CAMTA1: variants seen among roughly 807,000 people sequenced by gnomAD.
The protein encoded by CAMTA1 is calmodulin binding transcription activator 1, also known as calmodulin-binding transcription activator 1.
In CAMTA1, 27 loss-of-function variants were observed where a neutral mutation model predicts 170.9. The observed-to-expected ratio is 0.16, with a 90% confidence interval of 0.12 to 0.22. The LOEUF is 0.22. Among genes scored for constraint, CAMTA1 ranks in the 10% least tolerant of loss-of-function variants. CAMTA1 has a pLI of 1.00. For missense variants in CAMTA1, 1,619 were observed against 2,217.2 expected (o/e 0.73, Z 5.42); for synonymous variants, 833 against 891.5 (o/e 0.93, Z 1.17).
intron 3 of CAMTA1, among the ~76,000 whole-genome samples, chr1:6,827,487 T>A (rs1479378947): frequency 4.0e-5 from 6 of 150,918 alleles, no homozygotes; most frequent in Non-Finnish European, 5.9e-5. Flanking sequence ...AGACTTACCC[T>A]ACGAATTGTT....
chr1:7,444,762 G>T (rs2149428015), intron 5 of CAMTA1, among the ~76,000 whole-genome samples: 1 of 152,350 alleles, frequency 6.6e-6, no homozygotes, highest in South Asian at 2.1e-4. Flanking sequence ...GTGAATACCA[G>T]TTCACTGGAC....
intron 4 of CAMTA1, among the ~76,000 whole-genome samples, chr1:7,155,464 G>A (rs1250906092): frequency 1.3e-5 from 2 of 151,716 alleles, no homozygotes; most frequent in African/African-American, 2.4e-5. Context: ...GAAATAAGGA[G>A]GCCAATATCT....
At chr1:6,981,115 A>G (rs6698901) in intron 3 of CAMTA1, among the ~76,000 whole-genome samples, 78,383 of 151,886 alleles carry the variant, frequency 0.52, 20,595 homozygotes, top group African/African-American at 0.62. Flanking sequence ...TTTCTGCAGT[A>G]AGACGTAAAT....
At chr1:6,907,216 G>A (rs546864891) in intron 3 of CAMTA1, among the ~76,000 whole-genome samples, 6 of 152,184 alleles carry the variant, frequency 3.9e-5, no homozygotes, top group South Asian at 4.1e-4. Flanking sequence ...TCTGGAGGCC[G>A]AGCAGCATCA....
rs573298776 is a variant in CAMTA1, at chr1:7,343,671, A to G, written c.438+94045A>G. 1.6e-3 allele frequency among the ~76,000 whole-genome samples: 243 copies of G among 152,036 alleles called. 1 individual carries two copies. Among genetic ancestry groups the G allele is most frequent in the Non-Finnish European group, 2.8e-3 (187 of 67,966 alleles). On this transcript the variant is annotated intron_variant, in intron 5 of 22. Coordinates refer to ENST00000303635, the MANE Select transcript of CAMTA1 (RefSeq NM_015215.4). ...TTCCCACCTCCCAAAGGTCATCACA[A>G]CCCTGAATTTGTGCTTACATCTCCC...
At chr1:6,948,752 T>C (rs1314080746) in intron 3 of CAMTA1, among the ~76,000 whole-genome samples, 2 of 152,190 alleles carry the variant, frequency 1.3e-5, no homozygotes, top group African/African-American at 4.8e-5. Context: ...TTAAGTAAAG[T>C]GCTCCATGTA....
At chr1:7,505,586 C>G (rs1432876402) in intron 6 of CAMTA1, among the ~76,000 whole-genome samples, 1 of 152,180 alleles carries the variant, frequency 6.6e-6, no homozygotes, top group Admixed American at 6.5e-5. Context: ...GTTTCAGGGA[C>G]CTGGCGGTGC....
At chr1:7,368,410 T>C (rs1284584170) in intron 5 of CAMTA1, among the ~76,000 whole-genome samples, 7 of 143,988 alleles carry the variant, frequency 4.9e-5, no homozygotes, top group Middle Eastern at 3.9e-3. Context: ...CATGCTTTCA[T>C]TGGGCGCAGG....
intron 6 of CAMTA1, among the ~76,000 whole-genome samples, chr1:7,566,050 A>G (rs946676128): frequency 1.3e-5 from 2 of 152,200 alleles, no homozygotes. Context: ...ATCTCTGATT[A>G]CGGTCACACT....
chr1:7,741,890 A>G (rs1577339871), intron 16 of CAMTA1, among the ~76,000 whole-genome samples: 1 of 146,196 alleles, frequency 6.8e-6, no homozygotes, highest in Non-Finnish European at 1.5e-5. Flanking sequence ...GCCTGCCTCC[A>G]CCTCCCAAAG....
In CAMTA1 at chr1:7,645,233, A is replaced by T. The variant is rs117096620; in HGVS notation, c.664+4680A>T. Among the ~76,000 whole-genome samples the T allele has an allele frequency of 2.8e-3, 427 of 152,280 alleles. 14 individuals are homozygous for T. In the East Asian group the frequency reaches 0.071, roughly 25 times the overall value. Reference sequence around the variant, plus strand: ...AAGCTGGCAGGAAACTTGCTCAGTGATCTTGGGCTGCTCAGAGCCACAGTG... The same window carrying T: ...AAGCTGGCAGGAAACTTGCTCAGTGTTCTTGGGCTGCTCAGAGCCACAGTG... On this transcript the variant is annotated intron_variant, in intron 7 of 22. Transcript: ENST00000303635.
At chr1:7,247,550 C>T (rs1294396393) in intron 4 of CAMTA1, among the ~76,000 whole-genome samples, 2 of 152,182 alleles carry the variant, frequency 1.3e-5, no homozygotes, top group African/African-American at 4.8e-5. Flanking sequence ...GAAAACCCAT[C>T]CACAGAAGAA....
intron 1 of CAMTA1, among the ~76,000 whole-genome samples, chr1:6,785,907 A>G (rs953755088): frequency 2.0e-5 from 3 of 147,258 alleles, no homozygotes; most frequent in Non-Finnish European, 4.5e-5. Flanking sequence ...CCCCACCCGG[A>G]CCGGGCATCC....
intron 3 of CAMTA1, among the ~76,000 whole-genome samples, chr1:6,962,093 G>C (rs1401779804): frequency 1.3e-5 from 2 of 152,138 alleles, no homozygotes; most frequent in Non-Finnish European, 2.9e-5. Flanking sequence ...CCTGGAGCCT[G>C]CTGCTTTGGG....
chr1:7,178,526 G>A (rs1330215251), intron 4 of CAMTA1, among the ~76,000 whole-genome samples: 1 of 152,166 alleles, frequency 6.6e-6, no homozygotes. Context: ...ACTAATCAAT[G>A]AAGTCTAACT....
chr1:7,019,854 A>T (rs1701101827), intron 3 of CAMTA1, among the ~76,000 whole-genome samples: 1 of 152,006 alleles, frequency 6.6e-6, no homozygotes, highest in Non-Finnish European at 1.5e-5. Context: ...ACCTGCTCCG[A>T]CTCCAGCTCT....
Position 7,608,736 on chromosome 1 carries a change from T to C in CAMTA1, c.511-31664T>C, listed in dbSNP as rs539597782. Among the ~76,000 whole-genome samples, 119 of 152,244 alleles carry C rather than the reference T, an allele frequency of 7.8e-4. 1 individual carries two copies. The highest frequency in any genetic ancestry group is 2.8e-3 in the African/African-American group (117 of 41,560). On this transcript the variant is annotated intron_variant, in intron 6 of 22. Coordinates refer to ENST00000303635, the MANE Select transcript of CAMTA1 (RefSeq NM_015215.4). ...GCAGCAGAGGCTCACCTTGTTCTGC[T>C]TAAATAATGCAGGTAGTGAAGTTAT...
At chr1:7,083,828 C>A (rs1640356111) in intron 3 of CAMTA1, among the ~76,000 whole-genome samples, 1 of 152,134 alleles carries the variant, frequency 6.6e-6, no homozygotes, top group South Asian at 2.1e-4. Flanking sequence ...CTGAAATACC[C>A]AGAGGACATT....
At chr1:6,843,883 C>T (rs1028686825) in intron 3 of CAMTA1, among the ~76,000 whole-genome samples, 1 of 152,172 alleles carries the variant, frequency 6.6e-6, no homozygotes, top group Non-Finnish European at 1.5e-5. Context: ...AAAAAAGACA[C>T]CATCAGGTGT....
Sources: gnomAD v4.1 joint callset for allele counts (sites outside exome capture counted in the v4.1 genomes callset) on GRCh38, gnomAD v4.1.1 for gene constraint, MANE v1.5 for transcripts, NCBI Gene and HGNC (gene_info 2026-07-23, HGNC 2026-07-21) for gene names.